RTN3: variants seen among roughly 807,000 people sequenced by gnomAD.
RTN3 encodes reticulon-3.
RTN3 carries 49 observed loss-of-function variants against 77.8 expected under a neutral mutation model. The ratio of observed to expected loss-of-function variants is 0.63; its 90% CI spans 0.50 to 0.80. The LOEUF is 0.80. Among genes scored for constraint, RTN3 ranks in the 30% least tolerant of loss-of-function variants. RTN3 has a pLI of 0.00. For synonymous variants in RTN3, 464 were observed against 446.9 expected, an observed-to-expected ratio of 1.04 and a Z score of -0.48; for missense variants, 1,236 against 1,211.9, an observed-to-expected ratio of 1.02 and a Z score of -0.29.
chr11:63,739,367 C>G, intron 3 of RTN3, among the ~76,000 whole-genome samples: 1 of 152,054 alleles, frequency 6.6e-6, no homozygotes, highest in Non-Finnish European at 1.5e-5. Context: ...TTTCCAGTAC[C>G]TTTTGAACTA....
intron 1 of RTN3, among the ~76,000 whole-genome samples, chr11:63,683,512 A>C (rs1022240841): frequency 6.6e-6 from 1 of 152,236 alleles, no homozygotes. Flanking sequence ...TTGAAAATTT[A>C]GTCCTAGTTT....
At chr11:63,692,448 C>T (rs768065869) in intron 1 of RTN3, among the ~76,000 whole-genome samples, 4 of 152,016 alleles carry the variant, frequency 2.6e-5, no homozygotes, top group Non-Finnish European at 4.4e-5. Context: ...TGCAACCCGG[C>T]CAAATCATAT....
At chr11:63,688,853 G>A (rs190505602) in intron 1 of RTN3, among the ~76,000 whole-genome samples, 1 of 152,260 alleles carries the variant, frequency 6.6e-6, no homozygotes, top group African/African-American at 2.4e-5. Context: ...GGTCATGAAG[G>A]AATTGGTGAC....
chr11:63,715,883 G>A (rs11231567), intron 2 of RTN3, among the ~76,000 whole-genome samples: 22 of 152,296 alleles, frequency 1.4e-4, no homozygotes, highest in African/African-American at 5.1e-4. Flanking sequence ...GTAATCTGTA[G>A]TACTTCACAC....
intron 7 of RTN3, 33 bp downstream of exon 7, chr11:63,753,741 C>A: frequency 1.3e-6 from 2 of 1,582,650 alleles, no homozygotes; most frequent in Non-Finnish European, 1.7e-6. Context: ...TCAAATGTGC[C>A]AGTTGATGTA....
At chr11:63,715,912 T>G (rs7117206) in intron 2 of RTN3, among the ~76,000 whole-genome samples, 16,651 of 152,302 alleles carry the variant, frequency 0.11, 1,035 homozygotes, top group South Asian at 0.16. Context: ...TTTGAACCTT[T>G]TAACCTACAA....
chr11:63,754,699 C>CAAAAAA (rs35847577), intron 7 of RTN3, among the ~76,000 whole-genome samples: 1 of 48,836 alleles, frequency 2.0e-5, no homozygotes, highest in Admixed American at 3.1e-4. Context: ...GACTCCATCT[C>CAAAAAA]AAAAAAAAAA....
At chr11:63,708,272 C>A (rs949006954) in intron 2 of RTN3, among the ~76,000 whole-genome samples, 1 of 151,990 alleles carries the variant, frequency 6.6e-6, no homozygotes, top group South Asian at 2.1e-4. Flanking sequence ...AGCTATCTAG[C>A]CTTAGGGAAA....
chr11:63,752,856 G>C (rs920834543), intron 5 of RTN3, among the ~76,000 whole-genome samples: 1 of 152,198 alleles, frequency 6.6e-6, no homozygotes, highest in Non-Finnish European at 1.5e-5. Flanking sequence ...ATTGGAAGCA[G>C]TGCAGTTTCA....
intron 1 of RTN3, among the ~76,000 whole-genome samples, chr11:63,690,592 G>A (rs1426102607): frequency 6.6e-6 from 1 of 152,162 alleles, no homozygotes; most frequent in Non-Finnish European, 1.5e-5. Context: ...GAAGCAACAT[G>A]TAGTAAAAGT....
chr11:63,683,595 G>A (rs189377094), intron 1 of RTN3, among the ~76,000 whole-genome samples: 220 of 152,258 alleles, frequency 1.4e-3, no homozygotes, highest in Middle Eastern at 3.4e-3. Context: ...GGAAGAACTG[G>A]CCTAGTAGGC....
intron 2 of RTN3, among the ~76,000 whole-genome samples, chr11:63,706,844 C>A (rs1401227613): frequency 1.3e-5 from 2 of 151,272 alleles, no homozygotes; most frequent in African/African-American, 4.9e-5. Context: ...GTAAGTATTT[C>A]AGATCTTTAA....
intron 1 of RTN3, among the ~76,000 whole-genome samples, chr11:63,700,571 A>T (rs1942187299): frequency 6.7e-6 from 1 of 148,868 alleles, no homozygotes. Flanking sequence ...GGCGTGAGCC[A>T]CCTCACCTGA....
At chr11:63,696,590 C>G (rs1323744831) in intron 1 of RTN3, among the ~76,000 whole-genome samples, 2 of 139,216 alleles carry the variant, frequency 1.4e-5, no homozygotes, top group Non-Finnish European at 1.5e-5. Flanking sequence ...CTGTTGCCCA[C>G]GTTGGAGTAC....
intron 3 of RTN3, among the ~76,000 whole-genome samples, chr11:63,724,572 A>T (rs1301557037): frequency 2.3e-5 from 3 of 132,366 alleles, no homozygotes; most frequent in Non-Finnish European, 3.1e-5. Flanking sequence ...GGTCACTGCA[A>T]CCTCCACCTC....
At chr11:63,712,925 G>A (rs1223280366) in intron 2 of RTN3, among the ~76,000 whole-genome samples, 4 of 152,000 alleles carry the variant, frequency 2.6e-5, no homozygotes, top group Non-Finnish European at 4.4e-5. Context: ...GAGAAACTCC[G>A]TCTCTACTAA....
chr11:63,713,208 T>C (rs1377337488), intron 2 of RTN3, among the ~76,000 whole-genome samples: 2 of 152,238 alleles, frequency 1.3e-5, no homozygotes, highest in Non-Finnish European at 2.9e-5. Context: ...GTGGAGTATT[T>C]AGAGTTTAAG....
intron 3 of RTN3, among the ~76,000 whole-genome samples, chr11:63,737,646 C>G (rs2013217807): frequency 6.6e-6 from 1 of 152,124 alleles, no homozygotes; most frequent in Non-Finnish European, 1.5e-5. Context: ...TTTTAGGTAA[C>G]TAAGGTCAAA....
chr11:63,728,893 A>G (rs1477362349), intron 3 of RTN3, among the ~76,000 whole-genome samples: 2 of 148,526 alleles, frequency 1.3e-5, no homozygotes, highest in African/African-American at 2.5e-5. Context: ...TCTCAAAAAA[A>G]AAAAAAAAAG....
Sources: allele counts gnomAD v4.1 joint callset (sites outside exome capture counted in the v4.1 genomes callset), GRCh38; gene constraint gnomAD v4.1.1; transcripts MANE v1.5; gene names NCBI Gene and HGNC (gene_info 2026-07-23, HGNC 2026-07-21).